KIAA1755: variants seen among roughly 807,000 people sequenced by gnomAD.
KIAA1755 encodes the protein KIAA1755.
KIAA1755 carries 68 observed loss-of-function variants against 91.7 expected under a neutral mutation model. The observed-to-expected ratio is 0.74, with a 90% CI of 0.61 to 0.91. The LOEUF (loss-of-function observed/expected upper bound fraction) is 0.91, where lower values mean the gene tolerates loss of function less well. Ranked by LOEUF, KIAA1755 falls within the 40% of genes least tolerant of loss-of-function variation. The pLI is 0.00. For synonymous variants in KIAA1755, 610 were observed against 604.6 expected, an observed-to-expected ratio of 1.01 and a Z score of -0.13; for missense variants, 1,535 against 1,494.4, an observed-to-expected ratio of 1.03 and a Z score of -0.45.
rs2075477798 is a variant in KIAA1755, at chr20:38,213,146, T to G, written c.3499A>C (p.Ser1167Arg). The G allele has an allele frequency of 6.2e-7, 1 of 1,613,314 alleles. No individual in the cohort carries two copies. The highest frequency in any genetic ancestry group is 8.5e-7 in the Non-Finnish European group (1 of 1,179,582). Residue 1167 changes from serine (S) to arginine (R), a missense_variant, in exon 14 of 14, where the codon AGC (serine) becomes CGC (arginine). By Grantham distance (110) the Ser-to-Arg change is moderately radical. Coordinates refer to ENST00000279024, the MANE Select transcript of KIAA1755 (RefSeq NM_001029864.2). Reference sequence around the variant, plus strand: ...CCCCCAGTGAGGCGAGGGACCTGGCTCTGCCTGGGGGGCTGCTGCCGGAAG... The same window carrying G: ...CCCCCAGTGAGGCGAGGGACCTGGCGCTGCCTGGGGGGCTGCTGCCGGAAG... ...TFFRQQPPRQ[S>R]QVPRLTGGSF...
chr20:38,234,240 T>C (rs2075918228), intron 4 of KIAA1755, among the ~76,000 whole-genome samples: 1 of 152,232 alleles, frequency 6.6e-6, no homozygotes. Context: ...CTATTCCTTC[T>C]GCCAGGTATG....
At chr20:38,223,664 T>C (rs769921310) in intron 8 of KIAA1755, 28 bp from the exon 9 acceptor site, 2 of 1,583,174 alleles carry the variant, frequency 1.3e-6, no homozygotes, top group East Asian at 2.3e-5. Context: ...AAAGGGCAGG[T>C]GTCAGCCCAG....
At chr20:38,256,909 T>C (rs1421957952) in intron 1 of KIAA1755, among the ~76,000 whole-genome samples, 1 of 152,246 alleles carries the variant, frequency 6.6e-6, no homozygotes. Flanking sequence ...ATTGTTCATC[T>C]AAGTGCCATC....
chr20:38,222,820 A>G (rs1307429418), intron 9 of KIAA1755: 1 of 607,596 alleles, frequency 1.6e-6, no homozygotes, highest in South Asian at 1.9e-5. Flanking sequence ...TGGGACACCC[A>G]TTCCAGCCTC....
rs758851050 is a variant in KIAA1755, at chr20:38,231,205, G to A, written c.1868C>T (p.Pro623Leu). 3.1e-6 allele frequency: 5 copies of A among 1,612,690 alleles called. No homozygotes were observed. The Admixed American group carries it at 8.4e-5, about 27-fold the overall frequency. ...TCAGGGTGGCCCAGATCCTTACCTG[G>A]GGATGGTACACAGGTAGGACAGTAG... Reference protein sequence around the residue: ...TKLLSYLCTIPRPEDKAKGLA... With the variant: ...TKLLSYLCTILRPEDKAKGLA... Residue 623 changes from proline (P) to leucine (L), a missense_variant, in exon 5 of 14, where the codon CCC becomes CTC. Physicochemically the swap from Pro to Leu is moderately conservative, Grantham distance 98. Coordinates refer to ENST00000279024, the MANE Select transcript of KIAA1755 (RefSeq NM_001029864.2).
At chr20:38,254,755 C>T (rs1270257958) in intron 1 of KIAA1755, among the ~76,000 whole-genome samples, 2 of 151,554 alleles carry the variant, frequency 1.3e-5, no homozygotes, top group Non-Finnish European at 2.9e-5. Context: ...CACTGTACTC[C>T]AGCCTGGGCA....
Position 38,260,364 on chromosome 20 carries a change from C to A in KIAA1755, c.3+134G>T, listed in dbSNP as rs2076426872. ...CTGCTGGGGTGGAAGCAGGTAAGCA[C>A]AACCCTGCCAAGGCACTGAGGGTCG... On this transcript the variant is annotated intron_variant, in intron 1 of 13. Transcript: ENST00000279024. The A allele has an allele frequency of 4.4e-6, 7 of 1,590,266 alleles. No homozygotes were observed. In the East Asian group the frequency reaches 1.6e-4, roughly 36 times the overall value.
rs961689865 is a variant in KIAA1755, at chr20:38,219,554, G to A, written c.2556+76C>T. 40 of 1,564,412 alleles carry A rather than the reference G, an allele frequency of 2.6e-5. No individual in the cohort carries two copies. The Admixed American group carries it at 3.2e-4, about 12-fold the overall frequency. The stretch of plus-strand genomic sequence containing the variant: ...CAGAACAAAGCACCTGACTAGGGAC[G>A]GGCCCAGAGTCGGGGCTTTCCTGTG... On this transcript the variant is annotated intron_variant, in intron 11 of 13. Coordinates refer to ENST00000279024, the MANE Select transcript of KIAA1755 (RefSeq NM_001029864.2).
intron 2 of KIAA1755, among the ~76,000 whole-genome samples, chr20:38,243,374 T>C (rs2076101573): frequency 1.3e-5 from 2 of 152,210 alleles, no homozygotes; most frequent in Admixed American, 6.5e-5. Context: ...CATGAGTCTG[T>C]AGGTTTTCTC....
intron 1 of KIAA1755, among the ~76,000 whole-genome samples, chr20:38,254,523 C>G (rs2076306059): frequency 6.6e-6 from 1 of 152,178 alleles, no homozygotes; most frequent in Admixed American, 6.5e-5. Flanking sequence ...TGCAGTGGCT[C>G]ATGCCTATAA....
chr20:38,259,820 C>CCCCACACACACACACA (rs2076411039), intron 1 of KIAA1755, among the ~76,000 whole-genome samples: 3 of 138,698 alleles, frequency 2.2e-5, no homozygotes, highest in African/African-American at 8.6e-5. Context: ...ACCACCACCA[C>CCCCACACACACACACA]CACACACACA....
At chr20:38,244,867 A>G (rs2076127508) in intron 2 of KIAA1755, among the ~76,000 whole-genome samples, 1 of 152,088 alleles carries the variant, frequency 6.6e-6, no homozygotes, top group Non-Finnish European at 1.5e-5. Context: ...AGCTGGGACT[A>G]CAGGCATGTG....
In KIAA1755 at chr20:38,213,194, C is replaced by T. The variant is rs781586678; in HGVS notation, c.3451G>A (p.Glu1151Lys). 3.7e-6 allele frequency: 6 copies of T among 1,613,514 alleles called. No homozygotes were observed. Among genetic ancestry groups the T allele is most frequent in the African/African-American group, 2.7e-5 (2 of 74,936 alleles). The stretch of plus-strand genomic sequence containing the variant: ...AAGAAGGTGGTGGCAAGCAAATGCT[C>T]GCGGGCAGGGTCAGGCAGCTTGTGG... ...GSHKLPDPAR[E>K]HLLATTFFRQ... is the part of the protein sequence containing the mutation. The change falls in exon 14 of 14, where the codon GAG becomes AAG. Residue 1151 changes from glutamate (E) to lysine (K), a missense_variant. Physicochemically the swap from Glu to Lys is moderately conservative, Grantham distance 56 (BLOSUM62 1). Transcript: ENST00000279024.
Position 38,210,658 on chromosome 20 carries a change from T to C in KIAA1755, c.*2384A>G, listed in dbSNP as rs1313138457. The C allele has an allele frequency of 6.6e-6, 1 of 152,218 alleles. No individual in the cohort carries two copies. Among genetic ancestry groups the C allele is most frequent in the Non-Finnish European group, 1.5e-5 (1 of 68,038 alleles). 9.4% of individuals were successfully genotyped at this position (152,218 alleles called of 1,614,324 possible). A position where few individuals can be genotyped will look rare whatever the true frequency, so the allele number is the denominator to read the frequency against. On this transcript the variant is annotated 3_prime_UTR_variant, in exon 14 of 14. Coordinates refer to ENST00000279024, the MANE Select transcript of KIAA1755 (RefSeq NM_001029864.2). Reference sequence around the variant, plus strand: ...GGATGCACAAGGTAACCTTGGGGACTCCTCCCGCCCAAGTATTCTTAGATT... The same window carrying C: ...GGATGCACAAGGTAACCTTGGGGACCCCTCCCGCCCAAGTATTCTTAGATT...
At chr20:38,215,613 C>A (rs2075531170) in intron 13 of KIAA1755, among the ~76,000 whole-genome samples, 1 of 152,062 alleles carries the variant, frequency 6.6e-6, no homozygotes, top group South Asian at 2.1e-4. Flanking sequence ...GAGCTGAGAG[C>A]GGAAGAAAGA....
At chr20:38,260,225 G>A in intron 1 of KIAA1755, 1 of 1,511,514 alleles carries the variant, frequency 6.6e-7, no homozygotes, top group Non-Finnish European at 8.9e-7. Context: ...TCAGGCTCAG[G>A]TCTAGGGGTT....
At position 38,213,565 on chromosome 20, in the gene KIAA1755, G is replaced by C. The variant is rs1387693941; in HGVS notation, c.3080C>G (p.Ala1027Gly). Residue 1027 changes from alanine to glycine, a missense_variant, in exon 14 of 14, where the codon GCA becomes GGA. Ala to Gly is a moderately conservative substitution (Grantham distance 60). Coordinates refer to ENST00000279024, the MANE Select transcript of KIAA1755 (RefSeq NM_001029864.2). ...VGLQVASLSRAGLGQELWEEA... is the reference protein window; with the variant it reads ...VGLQVASLSRGGLGQELWEEA... ...CTCCCATAGCTCCTGGCCCAGGCCT[G>C]CCCGGCTCAGGGAGGCCACCTGCAG... is the stretch of plus-strand genomic sequence containing the variant. 6.2e-7 allele frequency: 1 copy of C among 1,606,644 alleles called. No individual in the cohort carries two copies. The highest frequency in any genetic ancestry group is 1.1e-5 in the South Asian group (1 of 90,774).
chr20:38,250,462 A>ATAT (rs147689166), intron 1 of KIAA1755, among the ~76,000 whole-genome samples: 3,283 of 147,758 alleles, frequency 0.022, 49 homozygotes, highest in Middle Eastern at 0.036. Context: ...TTCTGTGGTC[A>ATAT]TATTATTATT....
At chr20:38,255,485 A>T (rs557763088) in intron 1 of KIAA1755, among the ~76,000 whole-genome samples, 49 of 152,292 alleles carry the variant, frequency 3.2e-4, no homozygotes, top group African/African-American at 1.2e-3. Context: ...CAATTTTGAA[A>T]AAGTTGGCCA....
Sources: allele counts gnomAD v4.1 joint callset (sites outside exome capture counted in the v4.1 genomes callset), GRCh38; gene constraint gnomAD v4.1.1; transcripts MANE v1.5; gene names NCBI Gene and HGNC (gene_info 2026-07-23, HGNC 2026-07-21).